CSMD1: variants seen among roughly 807,000 people sequenced by gnomAD.
The protein encoded by CSMD1 is CUB and sushi domain-containing protein 1.
CSMD1 carries 213 observed loss-of-function variants against 417.5 expected under a neutral mutation model. The ratio of observed to expected loss-of-function variants is 0.51; its 90% CI spans 0.46 to 0.57. The LOEUF (loss-of-function observed/expected upper bound fraction) is 0.57. CSMD1 is among the 20% of genes least tolerant of loss of function. The pLI, the probability that CSMD1 is intolerant of heterozygous loss-of-function variation, is 0.00. For synonymous variants in CSMD1, 2,862 were observed against 1,736.8 expected, an observed-to-expected ratio of 1.65 and a Z score of -16.11; for missense variants, 6,923 against 4,529.7, an observed-to-expected ratio of 1.53 and a Z score of -15.17.
At chr8:3,509,099 T>C (rs1427592587) in intron 10 of CSMD1, among the ~76,000 whole-genome samples, 2 of 152,166 alleles carry the variant, frequency 1.3e-5, no homozygotes, top group African/African-American at 4.8e-5. Context: ...ACAAAATTAA[T>C]GCGTGCTCAG....
chr8:3,382,984 G>C (rs1398995451), intron 18 of CSMD1, among the ~76,000 whole-genome samples: 1 of 152,136 alleles, frequency 6.6e-6, no homozygotes, highest in Non-Finnish European at 1.5e-5. Context: ...TAAACGCTGT[G>C]ACAAAGTCAG....
chr8:4,806,666 A>G (rs1229813172), intron 1 of CSMD1, among the ~76,000 whole-genome samples: 1 of 152,234 alleles, frequency 6.6e-6, no homozygotes, highest in Non-Finnish European at 1.5e-5. Context: ...GAAAAGAAGC[A>G]TTTGAACCAT....
intron 3 of CSMD1, among the ~76,000 whole-genome samples, chr8:4,223,694 G>C (rs146620806): frequency 6.6e-6 from 1 of 152,184 alleles, no homozygotes; most frequent in African/African-American, 2.4e-5. Flanking sequence ...GACTTCCAGA[G>C]CCTGAATATT....
intron 2 of CSMD1, among the ~76,000 whole-genome samples, chr8:4,450,352 G>A (rs956201527): frequency 6.6e-6 from 1 of 152,150 alleles, no homozygotes; most frequent in East Asian, 1.9e-4. Context: ...TAGTAGCCGG[G>A]TGTGGTGGCT....
chr8:3,827,247 TA>T (rs1052373390), intron 5 of CSMD1, among the ~76,000 whole-genome samples: 2 of 152,186 alleles, frequency 1.3e-5, no homozygotes, highest in African/African-American at 4.8e-5. Flanking sequence ...CATCAATAGC[TA>T]AAATAAAGCA....
At chr8:4,388,037 A>G (rs1012823194) in intron 3 of CSMD1, among the ~76,000 whole-genome samples, 3 of 152,130 alleles carry the variant, frequency 2.0e-5, no homozygotes, top group Non-Finnish European at 2.9e-5. Context: ...ATTTTACCAC[A>G]TTCCTGATGA....
intron 4 of CSMD1, among the ~76,000 whole-genome samples, chr8:4,027,328 T>C (rs1585159416): frequency 6.6e-6 from 1 of 152,278 alleles, no homozygotes; most frequent in East Asian, 1.9e-4. Flanking sequence ...TGGTATGCTT[T>C]GGCTGTGTCC....
At chr8:3,674,532 A>G (rs903956716) in intron 7 of CSMD1, among the ~76,000 whole-genome samples, 2 of 152,060 alleles carry the variant, frequency 1.3e-5, no homozygotes. Flanking sequence ...TAATTTAACA[A>G]TATTATTAAT....
At chr8:3,001,655 C>T (rs952149191) in intron 52 of CSMD1, among the ~76,000 whole-genome samples, 1 of 152,016 alleles carries the variant, frequency 6.6e-6, no homozygotes, top group Admixed American at 6.6e-5. Flanking sequence ...GTGAGAGTAC[C>T]CGTATTCTAA....
chr8:3,987,862 A>C (rs547018723), intron 5 of CSMD1, among the ~76,000 whole-genome samples: 1 of 152,336 alleles, frequency 6.6e-6, no homozygotes, highest in East Asian at 1.9e-4. Flanking sequence ...GAAATGGTTC[A>C]GGGTCCAATC....
chr8:4,451,096 C>G (rs1307589285), intron 2 of CSMD1, among the ~76,000 whole-genome samples: 1 of 152,162 alleles, frequency 6.6e-6, no homozygotes, highest in African/African-American at 2.4e-5. Flanking sequence ...GAGGCCAAGG[C>G]AGGAGGATTA....
chr8:3,402,697 T>C (rs114379878), intron 15 of CSMD1, among the ~76,000 whole-genome samples: 2,672 of 152,292 alleles, frequency 0.018, 81 homozygotes, highest in African/African-American at 0.062. Context: ...CAAATATCTA[T>C]AACATTTTTC....
intron 7 of CSMD1, among the ~76,000 whole-genome samples, chr8:3,636,562 G>A (rs1797060344): frequency 6.6e-6 from 1 of 152,188 alleles, no homozygotes; most frequent in East Asian, 1.9e-4. Flanking sequence ...GAATGTACAT[G>A]TAACTTTATG....
At chr8:4,672,623 A>T (rs1358053045) in intron 1 of CSMD1, among the ~76,000 whole-genome samples, 1 of 152,166 alleles carries the variant, frequency 6.6e-6, no homozygotes, top group African/African-American at 2.4e-5. Flanking sequence ...CAGAAAAATT[A>T]AAAAGAATAA....
chr8:3,446,458 A>T (rs1815316099), intron 12 of CSMD1, among the ~76,000 whole-genome samples: 1 of 152,242 alleles, frequency 6.6e-6, no homozygotes, highest in Admixed American at 6.5e-5. Flanking sequence ...CCTACTTTGT[A>T]GATAATGAAA....
intron 3 of CSMD1, among the ~76,000 whole-genome samples, chr8:4,314,740 T>G (rs971289314): frequency 1.5e-4 from 23 of 152,236 alleles, no homozygotes; most frequent in Non-Finnish European, 3.4e-4. Context: ...TTTTCTCATT[T>G]ACACATCTGA....
intron 4 of CSMD1, among the ~76,000 whole-genome samples, chr8:4,005,873 G>A (rs143556272): frequency 6.6e-6 from 1 of 152,176 alleles, no homozygotes; most frequent in Non-Finnish European, 1.5e-5. Context: ...CCCATGAACA[G>A]GAGCTGGCTG....
chr8:4,991,699 G>T (rs981915984), intron 1 of CSMD1, among the ~76,000 whole-genome samples: 2 of 152,132 alleles, frequency 1.3e-5, no homozygotes, highest in Non-Finnish European at 2.9e-5. Flanking sequence ...CCCCCGGGGG[G>T]AGGCCCGACC....
At chr8:3,633,066 C>A (rs1796862142) in intron 7 of CSMD1, among the ~76,000 whole-genome samples, 1 of 152,174 alleles carries the variant, frequency 6.6e-6, no homozygotes, top group South Asian at 2.1e-4. Context: ...CCTGTTGACT[C>A]CCAACACTAA....
Sources: allele counts gnomAD v4.1 joint callset (sites outside exome capture counted in the v4.1 genomes callset), GRCh38; gene constraint gnomAD v4.1.1; transcripts MANE v1.5; gene names NCBI Gene and HGNC (gene_info 2026-07-23, HGNC 2026-07-21).